GRID2: variants seen among roughly 807,000 people sequenced by gnomAD.
GRID2 encodes glutamate ionotropic receptor delta type subunit 2.
In GRID2, 33 loss-of-function variants were observed where a neutral mutation model predicts 114.8. The observed-to-expected ratio is 0.29, with a 90% CI of 0.22 to 0.38. The LOEUF (loss-of-function observed/expected upper bound fraction) is 0.38. GRID2 is among the 10% of genes least tolerant of loss of function. The pLI is 1.00. For synonymous variants in GRID2, 505 were observed against 449.9 expected, an observed-to-expected ratio of 1.12 and a Z score of -1.55; for missense variants, 1,184 against 1,257.7, an observed-to-expected ratio of 0.94 and a Z score of 0.89.
rs527770693 is a variant in GRID2, at chr4:92,975,156, C to CAAAAAAAAAAAAAAAAAAAAAA, written c.245-109818_245-109817insAAAAAAAAAAAAAAAAAAAAAA. On this transcript the variant is annotated intron_variant, in intron 2 of 15. Coordinates refer to ENST00000282020, the MANE Select transcript of GRID2 (RefSeq NM_001510.4). ...TGGGCGACAGAGTGAGATTCCGCCT[C>CAAAAAAAAAAAAAAAAAAAAAA]AAAAAAAAAAAAAAAAAAAAAGGTG... Among the ~76,000 whole-genome samples, 124 of 46,662 alleles carry CAAAAAAAAAAAAAAAAAAAAAA rather than the reference C, an allele frequency of 2.7e-3. 22 individuals are homozygous for CAAAAAAAAAAAAAAAAAAAAAA. The highest frequency in any genetic ancestry group is 0.042 in the Middle Eastern group (2 of 48). The allele number at this position is 46,662 out of a possible 152,430, so 30.6% of individuals were successfully genotyped here. A position where few individuals can be genotyped will look rare whatever the true frequency, so the allele number is the denominator to read the frequency against.
At chr4:92,541,298 A>G (rs1324259752) in intron 1 of GRID2, among the ~76,000 whole-genome samples, 1 of 151,976 alleles carries the variant, frequency 6.6e-6, no homozygotes, top group Non-Finnish European at 1.5e-5. Flanking sequence ...ATAATAAAAA[A>G]TAAATAAAAT....
chr4:92,626,909 A>G lies in GRID2; in HGVS notation c.244+36623A>G, dbSNP rs552499961. ...GTCAAATCATTAATAAAAGCAAAAT[A>G]CATTCACAAACAACCAGCCAGAATC... On this transcript the variant is annotated intron_variant, in intron 2 of 15. Coordinates refer to ENST00000282020, the MANE Select transcript of GRID2 (RefSeq NM_001510.4). 2.6e-5 allele frequency among the ~76,000 whole-genome samples: 4 copies of G among 152,222 alleles called. No individual in the cohort carries two copies. The South Asian group carries it at 6.2e-4, about 24-fold the overall frequency.
intron 2 of GRID2, among the ~76,000 whole-genome samples, chr4:92,930,702 T>G (rs879474250): frequency 6.6e-6 from 1 of 150,722 alleles, no homozygotes; most frequent in Non-Finnish European, 1.5e-5. Flanking sequence ...AATATATGTG[T>G]TGAAAGAAAA....
chr4:92,944,465 C>T (rs556803707), intron 2 of GRID2, among the ~76,000 whole-genome samples: 16 of 152,302 alleles, frequency 1.1e-4, no homozygotes, highest in Non-Finnish European at 1.8e-4. Flanking sequence ...TTCCAGGTGC[C>T]GTCTGTCACC....
intron 14 of GRID2, among the ~76,000 whole-genome samples, chr4:93,738,771 C>G (rs1311195844): frequency 6.6e-6 from 1 of 151,830 alleles, no homozygotes; most frequent in African/African-American, 2.4e-5. Context: ...GGACAGGTAA[C>G]AGATTATTAG....
intron 2 of GRID2, among the ~76,000 whole-genome samples, chr4:93,054,795 T>G (rs909233802): frequency 2.6e-5 from 4 of 151,530 alleles, no homozygotes; most frequent in African/African-American, 9.7e-5. Context: ...GGAAGAGAAA[T>G]GTAGTAAGGA....
intron 2 of GRID2, among the ~76,000 whole-genome samples, chr4:92,741,666 T>C (rs2149332054): frequency 6.6e-6 from 1 of 152,294 alleles, no homozygotes; most frequent in South Asian, 2.1e-4. Context: ...GTCCCCCAAC[T>C]CTAGCCTTAA....
intron 2 of GRID2, among the ~76,000 whole-genome samples, chr4:92,607,906 G>A (rs1350846301): frequency 1.3e-5 from 2 of 151,960 alleles, no homozygotes; most frequent in East Asian, 1.9e-4. Flanking sequence ...AAGGCAATAT[G>A]TGTAAGTTCT....
chr4:93,750,583 G>A (rs188351292), intron 14 of GRID2, among the ~76,000 whole-genome samples: 161 of 152,022 alleles, frequency 1.1e-3, no homozygotes, highest in Non-Finnish European at 2.1e-3. Context: ...TGTGAAACCC[G>A]GTCTCTACTA....
At chr4:93,709,546 G>C (rs115988439) in intron 14 of GRID2, among the ~76,000 whole-genome samples, 6,400 of 152,180 alleles carry the variant, frequency 0.042, 217 homozygotes, top group African/African-American at 0.084. Flanking sequence ...ATTATTAAAT[G>C]CCTTGAGGTA....
chr4:92,415,154 G>A (rs1157802440), intron 1 of GRID2, among the ~76,000 whole-genome samples: 1 of 151,720 alleles, frequency 6.6e-6, no homozygotes, highest in Non-Finnish European at 1.5e-5. Context: ...TTATTTTCAT[G>A]AATAATTACT....
At chr4:92,411,625 A>ATGTGTGTGTCTGTGTG (rs757758738) in intron 1 of GRID2, among the ~76,000 whole-genome samples, 1 of 105,714 alleles carries the variant, frequency 9.5e-6, no homozygotes, top group African/African-American at 4.1e-5. Flanking sequence ...ATATATATGC[A>ATGTGTGTGTCTGTGTG]TGTGTGTGTG....
intron 8 of GRID2, among the ~76,000 whole-genome samples, chr4:93,342,351 T>C (rs1022357508): frequency 6.6e-6 from 1 of 152,172 alleles, no homozygotes; most frequent in African/African-American, 2.4e-5. Context: ...AAGACTGCTC[T>C]CTCTTCTGCA....
chr4:93,125,037 T>TTTTTG (rs1374005674), intron 4 of GRID2, among the ~76,000 whole-genome samples: 1 of 152,082 alleles, frequency 6.6e-6, no homozygotes, highest in African/African-American at 2.4e-5. Context: ...AGTCTGGGTT[T>TTTTTG]TTTTGTTTTG....
chr4:93,101,124 T>A (rs1331249484), intron 3 of GRID2, among the ~76,000 whole-genome samples: 1 of 152,040 alleles, frequency 6.6e-6, no homozygotes, highest in Non-Finnish European at 1.5e-5. Flanking sequence ...GATTTATTTG[T>A]TTATGTTTCT....
At chr4:92,566,107 C>T (rs931396200) in intron 1 of GRID2, among the ~76,000 whole-genome samples, 3 of 151,820 alleles carry the variant, frequency 2.0e-5, no homozygotes, top group Non-Finnish European at 2.9e-5. Context: ...TAAACTATGT[C>T]GATATGCCTA....
At chr4:92,367,555 G>T (rs1306397430) in intron 1 of GRID2, among the ~76,000 whole-genome samples, 1 of 151,942 alleles carries the variant, frequency 6.6e-6, no homozygotes, top group Non-Finnish European at 1.5e-5. Flanking sequence ...CTACATACAG[G>T]GGTGACTAAA....
At chr4:93,437,207 C>T (rs962337423) in intron 10 of GRID2, among the ~76,000 whole-genome samples, 3 of 152,100 alleles carry the variant, frequency 2.0e-5, no homozygotes, top group Non-Finnish European at 4.4e-5. Flanking sequence ...GTATTTATTA[C>T]CTCTCAGTAC....
intron 4 of GRID2, among the ~76,000 whole-genome samples, chr4:93,113,667 A>C (rs1003250174): frequency 2.0e-5 from 3 of 152,228 alleles, no homozygotes; most frequent in African/African-American, 7.2e-5. Flanking sequence ...TACAAGATGC[A>C]TGTAATGGCA....
Sources: allele counts gnomAD v4.1 joint callset (sites outside exome capture counted in the v4.1 genomes callset), GRCh38; gene constraint gnomAD v4.1.1; transcripts MANE v1.5; gene names NCBI Gene and HGNC (gene_info 2026-07-23, HGNC 2026-07-21).